The following TXNDC15 variants were observed in gnomAD, a reference collection of about 807,000 sequenced individuals.
TXNDC15 encodes thioredoxin domain-containing protein 15.
A neutral mutation model predicts 35.0 loss-of-function variants in TXNDC15; 24 were observed. The observed-to-expected ratio is 0.68, with a 90% CI of 0.50 to 0.96. The LOEUF (loss-of-function observed/expected upper bound fraction) is 0.96. Ranked by LOEUF, TXNDC15 falls within the 40% of genes least tolerant of loss-of-function variation. The pLI, the probability that TXNDC15 is intolerant of heterozygous loss-of-function variation, is 0.00. For synonymous variants in TXNDC15, 169 were observed against 174.0 expected, an observed-to-expected ratio of 0.97 and a Z score of 0.23; for missense variants, 385 against 453.3, an observed-to-expected ratio of 0.85 and a Z score of 1.37.
intron 1 of TXNDC15, 28 bp from the exon 2 acceptor site, chr5:134,887,667 T>C (rs761698544): frequency 1.3e-6 from 2 of 1,528,858 alleles, no homozygotes; most frequent in South Asian, 1.3e-5. Context: ...AAGTCAAATA[T>C]GACTCTGAAT....
chr5:134,875,226 G>A (rs1356459723), intron 1 of TXNDC15: 1 of 456,250 alleles, frequency 2.2e-6, no homozygotes, highest in Non-Finnish European at 4.4e-6. Flanking sequence ...TGGCGAGGGT[G>A]GAGAGTGGAG....
intron 2 of TXNDC15, chr5:134,893,170 C>T (rs539077768): frequency 9.6e-6 from 2 of 207,432 alleles, no homozygotes; most frequent in South Asian, 2.4e-4. Context: ...TGAGGTATGC[C>T]TGTATTTGAA....
At chr5:134,891,066 G>A (rs561380314) in intron 2 of TXNDC15, among the ~76,000 whole-genome samples, 6 of 152,264 alleles carry the variant, frequency 3.9e-5, no homozygotes, top group South Asian at 4.1e-4. Context: ...TACCACATCC[G>A]CAGTTCCATT....
chr5:134,888,181 A>T lies in TXNDC15; in HGVS notation c.590A>T (p.Gln197Leu). 6.3e-7 allele frequency: 1 copy of T among 1,596,436 alleles called. No homozygotes were observed. The highest frequency in any genetic ancestry group is 2.2e-5 in the East Asian group (1 of 44,564). The change falls in exon 2 of 5, where the codon CAG becomes CTG. Residue 197 changes from glutamine to leucine, a missense_variant and splice_region_variant. Coordinates refer to ENST00000358387, the MANE Select transcript of TXNDC15 (RefSeq NM_024715.4). ...NFTLKILNMS[Q>L]DLMDFLNPNG... ...ACTCTGAAAATTTTAAATATGTCAC[A>T]GGTAAGGAAAAATTATTTAGTGCTT...
chr5:134,883,037 C>A (rs533437345), intron 1 of TXNDC15, among the ~76,000 whole-genome samples: 2 of 152,346 alleles, frequency 1.3e-5, no homozygotes, highest in East Asian at 3.9e-4. Context: ...TGCCTGTAAT[C>A]CCAGAATTTG....
At position 134,900,895 on chromosome 5, in the gene TXNDC15, C is replaced by G. The variant is rs1750588761; in HGVS notation, c.*1210C>G. 1 of 151,814 alleles carries G rather than the reference C, an allele frequency of 6.6e-6. No individual in the cohort carries two copies. Among genetic ancestry groups the G allele is most frequent in the Non-Finnish European group, 1.5e-5 (1 of 68,106 alleles). 9.4% of individuals were successfully genotyped at this position (151,814 alleles called of 1,614,324 possible). A position where few individuals can be genotyped will look rare whatever the true frequency, so the allele number is the denominator to read the frequency against. The stretch of plus-strand genomic sequence containing the variant: ...CTCTGCTTCCCGGGTTCAAGCGATT[C>G]TCCAGCCTCAGCCTCCTGAGTAGCT... On this transcript the variant is annotated 3_prime_UTR_variant, in exon 5 of 5. Coordinates refer to ENST00000358387, the MANE Select transcript of TXNDC15 (RefSeq NM_024715.4).
At chr5:134,895,180 C>CAAAAAA (rs1327921647) in intron 3 of TXNDC15, among the ~76,000 whole-genome samples, 1 of 136,574 alleles carries the variant, frequency 7.3e-6, no homozygotes, top group Non-Finnish European at 1.6e-5. Flanking sequence ...GACCCTGTCT[C>CAAAAAA]AAAAAAAAAA....
chr5:134,875,396 G>T (rs986861000), intron 1 of TXNDC15: 1 of 456,316 alleles, frequency 2.2e-6, no homozygotes, highest in South Asian at 1.5e-5. Context: ...GTGGAGAAGG[G>T]TGAGTCATAG....
chr5:134,888,309 T>G, intron 2 of TXNDC15, 127 bp downstream of exon 2: 2 of 984,542 alleles, frequency 2.0e-6, no homozygotes, highest in Non-Finnish European at 3.0e-6. Context: ...ATTTAATGGC[T>G]GCTTCAGTGA....
chr5:134,885,474 C>T (rs1416155788), intron 1 of TXNDC15, among the ~76,000 whole-genome samples: 2 of 152,198 alleles, frequency 1.3e-5, no homozygotes, highest in African/African-American at 4.8e-5. Context: ...CCTTCCCATC[C>T]TTTCTGGTAG....
Position 134,901,551 on chromosome 5 carries a change from T to C in TXNDC15, c.*1866T>C, listed in dbSNP as rs566139699. The C allele has an allele frequency of 6.6e-6, 1 of 152,370 alleles. No homozygotes were observed. Among genetic ancestry groups the C allele is most frequent in the African/African-American group, 2.4e-5 (1 of 41,592 alleles). 9.4% of individuals were successfully genotyped at this position (152,370 alleles called of 1,614,324 possible). On this transcript the variant is annotated 3_prime_UTR_variant, in exon 5 of 5. Transcript: ENST00000358387. ...CCTCTTATATTGAGTTATTACTGTG[T>C]GAGTGCCAAGTACTGTTTTAGATGC...
chr5:134,889,696 G>A (rs1750349996), intron 2 of TXNDC15, among the ~76,000 whole-genome samples: 1 of 152,164 alleles, frequency 6.6e-6, no homozygotes, highest in South Asian at 2.1e-4. Context: ...CAATTGCCTG[G>A]ACCCTGTGAG....
Position 134,893,663 on chromosome 5 carries a change from C to T in TXNDC15, c.755+8C>T. Reference sequence around the variant, plus strand: ...TGCATCTCAGCACAGCAGGTATCTTCCATTGGTGGGGTTTACGTCCATCCT... The same window carrying T: ...TGCATCTCAGCACAGCAGGTATCTTTCATTGGTGGGGTTTACGTCCATCCT... On this transcript the variant is annotated splice_region_variant and intron_variant, in intron 3 of 4. Coordinates refer to ENST00000358387, the MANE Select transcript of TXNDC15 (RefSeq NM_024715.4). 1 of 1,614,098 alleles carries T rather than the reference C, an allele frequency of 6.2e-7. No individual in the cohort carries two copies. The highest frequency in any genetic ancestry group is 8.5e-7 in the Non-Finnish European group (1 of 1,179,994).
intron 2 of TXNDC15, among the ~76,000 whole-genome samples, chr5:134,890,254 C>T (rs1204771804): frequency 2.6e-5 from 4 of 151,686 alleles, no homozygotes; most frequent in Non-Finnish European, 5.9e-5. Flanking sequence ...AGGCTGGTCT[C>T]AAACTCCTGG....
At chr5:134,883,913 C>CAA (rs779962714) in intron 1 of TXNDC15, among the ~76,000 whole-genome samples, 1 of 66,968 alleles carries the variant, frequency 1.5e-5, no homozygotes, top group Admixed American at 1.7e-4. Flanking sequence ...GACTCCATCT[C>CAA]AAAAAAAAAA....
chr5:134,881,206 T>C (rs1750137323), intron 1 of TXNDC15, among the ~76,000 whole-genome samples: 1 of 145,500 alleles, frequency 6.9e-6, no homozygotes, highest in African/African-American at 2.5e-5. Flanking sequence ...TTTATTTTTT[T>C]ATTGATCATT....
chr5:134,876,785 T>A (rs994393471), intron 1 of TXNDC15, among the ~76,000 whole-genome samples: 12 of 146,804 alleles, frequency 8.2e-5, no homozygotes, highest in Non-Finnish European at 1.2e-4. Context: ...TATGCTGGCC[T>A]CAGGTGCTGA....
intron 2 of TXNDC15, 79 bp from the exon 3 acceptor site, chr5:134,893,413 G>C: frequency 1.9e-6 from 3 of 1,559,668 alleles, no homozygotes; most frequent in Non-Finnish European, 1.8e-6. Flanking sequence ...TGGAGCAGCA[G>C]TGTGTCCTGT....
intron 1 of TXNDC15, 116 bp downstream of exon 1, chr5:134,874,646 TC>T (rs2150182312): frequency 2.5e-6 from 2 of 809,488 alleles, no homozygotes; most frequent in East Asian, 3.2e-5. Flanking sequence ...TCTTGGCGTC[TC>T]CCCGGGCGCG....
Sources: gnomAD v4.1 joint callset for allele counts (sites outside exome capture counted in the v4.1 genomes callset) on GRCh38, gnomAD v4.1.1 for gene constraint, MANE v1.5 for transcripts, NCBI Gene and HGNC (gene_info 2026-07-23, HGNC 2026-07-21) for gene names.